The following FHIT variants were observed in gnomAD, a reference collection of about 807,000 sequenced individuals.
FHIT encodes fragile histidine triad diadenosine triphosphatase.
FHIT carries 19 observed loss-of-function variants against 17.9 expected under a neutral mutation model. The ratio of observed to expected loss-of-function variants is 1.06; its 90% confidence interval spans 0.74 to 1.56. The LOEUF is 1.56. FHIT is among the 40% of genes most tolerant of loss of function. The probability of loss-of-function intolerance (pLI) is 0.00; values close to 1 mark genes in which losing one functional copy is unlikely to be tolerated. For missense variants in FHIT, 248 were observed against 189.2 expected, an observed-to-expected ratio of 1.31 and a Z score of -1.82; for synonymous variants, 81 against 69.7, an observed-to-expected ratio of 1.16 and a Z score of -0.81.
chr3:60,477,795 G>C (rs56148268), intron 5 of FHIT, among the ~76,000 whole-genome samples: 2,026 of 152,218 alleles, frequency 0.013, 46 homozygotes, highest in African/African-American at 0.044. Flanking sequence ...TGGAAGGAGG[G>C]CAGAGAGCTC....
chr3:60,941,587 T>C (rs1708409526), intron 3 of FHIT, among the ~76,000 whole-genome samples: 1 of 152,138 alleles, frequency 6.6e-6, no homozygotes, highest in African/African-American at 2.4e-5. Context: ...TTTATACTTT[T>C]TCTACTGACT....
chr3:60,850,999 T>C (rs1243270305), intron 3 of FHIT, among the ~76,000 whole-genome samples: 1 of 152,072 alleles, frequency 6.6e-6, no homozygotes, highest in Non-Finnish European at 1.5e-5. Context: ...CTCACTCCCA[T>C]ATACACACAT....
At chr3:60,530,696 G>A (rs560470424) in intron 5 of FHIT, among the ~76,000 whole-genome samples, 31 of 152,254 alleles carry the variant, frequency 2.0e-4, no homozygotes, top group African/African-American at 2.9e-4. Context: ...TTTGTTTTCT[G>A]CATTGTAATT....
chr3:60,453,219 T>C (rs2031864407), intron 5 of FHIT, among the ~76,000 whole-genome samples: 1 of 151,846 alleles, frequency 6.6e-6, no homozygotes, highest in Non-Finnish European at 1.5e-5. Context: ...TTAACTCAAG[T>C]GCCCTATACA....
chr3:60,400,047 C>T (rs1245805714), intron 5 of FHIT, among the ~76,000 whole-genome samples: 2 of 152,086 alleles, frequency 1.3e-5, no homozygotes, highest in Admixed American at 6.5e-5. Context: ...ATGACTAAGC[C>T]GGGTGCTCTA....
intron 3 of FHIT, among the ~76,000 whole-genome samples, chr3:60,890,359 C>A (rs561882605): frequency 6.6e-6 from 1 of 152,196 alleles, no homozygotes; most frequent in South Asian, 2.1e-4. Flanking sequence ...GCAGCATAGC[C>A]GAAAGCTGAA....
intron 3 of FHIT, among the ~76,000 whole-genome samples, chr3:60,876,584 T>C (rs1704666531): frequency 6.6e-6 from 1 of 152,218 alleles, no homozygotes; most frequent in African/African-American, 2.4e-5. Flanking sequence ...TTTTAAAATA[T>C]TGATGAATAC....
At position 60,611,802 on chromosome 3, in the gene FHIT, T is replaced by C. The variant is rs782236669; in HGVS notation, c.-17-74823A>G. Among the ~76,000 whole-genome samples the C allele has an allele frequency of 2.6e-5, 4 of 152,316 alleles. No homozygotes were observed. The South Asian group carries it at 6.2e-4, about 24-fold the overall frequency. On this transcript the variant is annotated intron_variant, in intron 4 of 9. Transcript: ENST00000492590. ...GGAACTATCCAGTAGTTTGATTTCA[T>C]ACTTGTCCTAAACCTTTAAACTTGT...
At chr3:60,371,880 A>T (rs1487083533) in intron 5 of FHIT, among the ~76,000 whole-genome samples, 2 of 150,642 alleles carry the variant, frequency 1.3e-5, no homozygotes, top group Non-Finnish European at 2.9e-5. Flanking sequence ...TTTATCTAAC[A>T]GATAAATCAA....
At chr3:60,372,779 G>C (rs1054784820) in intron 5 of FHIT, among the ~76,000 whole-genome samples, 1 of 152,006 alleles carries the variant, frequency 6.6e-6, no homozygotes, top group Non-Finnish European at 1.5e-5. Context: ...CTTTCTCACA[G>C]ACTTTTTTTT....
chr3:60,698,543 T>A (rs6446150), intron 4 of FHIT, among the ~76,000 whole-genome samples: 2 of 152,058 alleles, frequency 1.3e-5, no homozygotes, highest in African/African-American at 4.8e-5. Context: ...AAACTACCTA[T>A]GGCTGGGGAG....
intron 5 of FHIT, among the ~76,000 whole-genome samples, chr3:60,023,114 G>A (rs534649476): frequency 2.0e-5 from 3 of 152,268 alleles, no homozygotes; most frequent in African/African-American, 7.2e-5. Flanking sequence ...AAGGAGTATG[G>A]CAATAGAAGA....
At chr3:60,607,384 G>T (rs782729744) in intron 4 of FHIT, among the ~76,000 whole-genome samples, 1 of 151,754 alleles carries the variant, frequency 6.6e-6, no homozygotes, top group African/African-American at 2.4e-5. Flanking sequence ...TTTATTACTT[G>T]CAAGGGTTGG....
chr3:60,539,115 T>A (rs962335809), intron 4 of FHIT, among the ~76,000 whole-genome samples: 1 of 151,964 alleles, frequency 6.6e-6, no homozygotes, highest in Non-Finnish European at 1.5e-5. Flanking sequence ...AACAACCCCA[T>A]CAACAAGTGG....
intron 5 of FHIT, among the ~76,000 whole-genome samples, chr3:60,512,090 T>G (rs1157593382): frequency 6.6e-6 from 1 of 152,150 alleles, no homozygotes; most frequent in African/African-American, 2.4e-5. Context: ...TATCCCATAT[T>G]ATAAATGACT....
intron 4 of FHIT, among the ~76,000 whole-genome samples, chr3:60,814,456 G>T (rs1361410566): frequency 6.6e-6 from 1 of 152,122 alleles, no homozygotes; most frequent in Non-Finnish European, 1.5e-5. Flanking sequence ...AGAACATGTG[G>T]CATTTAGTTT....
At chr3:60,477,532 A>G (rs1335465313) in intron 5 of FHIT, among the ~76,000 whole-genome samples, 2 of 152,180 alleles carry the variant, frequency 1.3e-5, no homozygotes, top group East Asian at 1.9e-4. Context: ...AATAATTTCT[A>G]TAGATCTCCA....
rs118143364 is a variant in FHIT, at chr3:60,966,233, C to T, written c.-111+75814G>A. Among the ~76,000 whole-genome samples, 154 of 152,304 alleles carry T rather than the reference C, an allele frequency of 1.0e-3. 1 individual carries two copies. In the East Asian group the frequency reaches 0.025, roughly 24 times the overall value. On this transcript the variant is annotated intron_variant, in intron 3 of 9. Coordinates refer to ENST00000492590, the MANE Select transcript of FHIT (RefSeq NM_002012.4). Reference sequence around the variant, plus strand: ...GAAGCCCCGTGGGCATGGAACCCTCCGAGCCAGGCACCAGATATTATCTCC... The same window carrying T: ...GAAGCCCCGTGGGCATGGAACCCTCTGAGCCAGGCACCAGATATTATCTCC...
intron 5 of FHIT, among the ~76,000 whole-genome samples, chr3:60,153,950 GAC>G (rs1469668856): frequency 1.3e-5 from 2 of 152,176 alleles, no homozygotes; most frequent in African/African-American, 2.4e-5. Context: ...TAGTAAGAGA[GAC>G]ACACTAAAAA....
Sources: gnomAD v4.1 joint callset for allele counts (sites outside exome capture counted in the v4.1 genomes callset) on GRCh38, gnomAD v4.1.1 for gene constraint, MANE v1.5 for transcripts, NCBI Gene and HGNC (gene_info 2026-07-23, HGNC 2026-07-21) for gene names.